MICALL2: variants seen among roughly 807,000 people sequenced by gnomAD.
The protein encoded by MICALL2 is MICAL-like protein 2.
In MICALL2, 111 loss-of-function variants were observed where a neutral mutation model predicts 91.1. That is an observed-to-expected ratio of 1.22 (90% confidence interval 1.04 to 1.43). The LOEUF (loss-of-function observed/expected upper bound fraction) is 1.43, where lower values mean the gene tolerates loss of function less well. MICALL2 is among the 40% of genes most tolerant of loss of function. MICALL2 has a pLI of 0.00. For synonymous variants in MICALL2, 694 were observed against 525.3 expected (o/e 1.32, Z -4.39); for missense variants, 1,556 against 1,236.0 (o/e 1.26, Z -3.88).
intron 10 of MICALL2, 138 bp downstream of exon 10, chr7:1,438,702 G>A (rs1780108728): frequency 6.1e-6 from 9 of 1,484,722 alleles, no homozygotes; most frequent in Non-Finnish European, 8.0e-6. Flanking sequence ...GGGGCACGGG[G>A]CTGGGTCCTT....
intron 16 of MICALL2, chr7:1,434,897 T>C: frequency 4.2e-6 from 3 of 719,754 alleles, no homozygotes; most frequent in Non-Finnish European, 6.8e-6. Flanking sequence ...CAGCTGCCCC[T>C]GGCTCTCTTA....
intron 9 of MICALL2, 112 bp from the exon 10 acceptor site, chr7:1,439,107 C>A: frequency 1.2e-6 from 1 of 837,352 alleles, no homozygotes. Context: ...TCCCCATGCC[C>A]TGGGCCTCCC....
chr7:1,445,560 A>AC (rs1179992528), intron 5 of MICALL2, 132 bp from the exon 6 acceptor site: 30 of 812,138 alleles, frequency 3.7e-5, no homozygotes, highest in Non-Finnish European at 5.5e-5. Flanking sequence ...CCGCCCCGCC[A>AC]CGCATTCACC....
Position 1,434,589 on chromosome 7 carries a change from C to G in MICALL2, c.*7G>C. 1 of 1,607,840 alleles carries G rather than the reference C, an allele frequency of 6.2e-7. No homozygotes were observed. The highest frequency in any genetic ancestry group is 8.5e-7 in the Non-Finnish European group (1 of 1,176,832). ...GGTCCGGGCCGAGCCCACGGCCCTA[C>G]TGGCTACTACTGGGAGGGGCTGCTT... On this transcript the variant is annotated 3_prime_UTR_variant, in exon 17 of 17. Transcript: ENST00000297508.
At chr7:1,444,590 G>A (rs984928082) in intron 6 of MICALL2, 62 bp downstream of exon 6, 178 of 1,516,642 alleles carry the variant, frequency 1.2e-4, no homozygotes, top group Admixed American at 1.0e-3. Flanking sequence ...TCTGGCCTCC[G>A]GGGCCCCGCT....
At chr7:1,435,490 G>A (rs1779924987) in intron 15 of MICALL2, among the ~76,000 whole-genome samples, 1 of 151,436 alleles carries the variant, frequency 6.6e-6, no homozygotes, top group Admixed American at 6.6e-5. Context: ...GGTGACCTGG[G>A]ACAGGAGGGC....
At chr7:1,436,600 G>C in intron 15 of MICALL2, 142 bp downstream of exon 15, 2 of 450,784 alleles carry the variant, frequency 4.4e-6, no homozygotes, top group Non-Finnish European at 7.6e-6. Flanking sequence ...GGCCACATGT[G>C]GCCCCTGGCT....
At chr7:1,457,347 C>G (rs1056793182) in intron 1 of MICALL2, among the ~76,000 whole-genome samples, 1 of 152,242 alleles carries the variant, frequency 6.6e-6, no homozygotes, top group Non-Finnish European at 1.5e-5. Context: ...ACCAAGTCAG[C>G]CACAGCTTGG....
chr7:1,454,875 C>T (rs1397801745), intron 1 of MICALL2, among the ~76,000 whole-genome samples: 1 of 152,172 alleles, frequency 6.6e-6, no homozygotes, highest in Non-Finnish European at 1.5e-5. Flanking sequence ...CCATGCACTG[C>T]ACAGCGGCCG....
chr7:1,437,200 C>T lies in MICALL2; in HGVS notation c.2476+335G>A, dbSNP rs562006096. 2.2e-5 allele frequency: 11 copies of T among 489,754 alleles called. No homozygotes were observed. The East Asian group carries it at 2.3e-4, about 10-fold the overall frequency. The allele number at this position is 489,754 out of a possible 1,614,324, so 30.3% of individuals were successfully genotyped here. On this transcript the variant is annotated intron_variant, in intron 14 of 16. Transcript: ENST00000297508. ...CCCTCAGCCAGGGCACCCTGCATCA[C>T]GAGACAAATGCCTATGGCTCGCCCT... is the stretch of plus-strand genomic sequence containing the variant.
rs371129565 is a variant in MICALL2 at position 1,446,961 on chromosome 7, G to T, written c.526-133C>A. 5.3e-4 allele frequency: 350 copies of T among 663,016 alleles called. 5 individuals carry two copies. In the South Asian group the frequency reaches 6.3e-3, roughly 12 times the overall value. 41.1% of individuals were successfully genotyped at this position (663,016 alleles called of 1,614,324 possible). ...CAGGAGAGGAGCCGCCAGCAGGGCT[G>T]CGGTCGGGGTCACACCCAGGTGGGT... On this transcript the variant is annotated intron_variant, in intron 4 of 16. Transcript: ENST00000297508.
intron 13 of MICALL2, 50 bp downstream of exon 13, chr7:1,437,840 C>G: frequency 6.6e-7 from 1 of 1,510,406 alleles, no homozygotes; most frequent in Non-Finnish European, 9.0e-7. Flanking sequence ...CCTGCCCAGC[C>G]CGCAACGAGG....
intron 6 of MICALL2, 101 bp from the exon 7 acceptor site, chr7:1,442,585 C>A: frequency 1.7e-6 from 2 of 1,198,508 alleles, no homozygotes; most frequent in East Asian, 2.5e-5. Context: ...ACTCCCAATG[C>A]CCAGCCTCCG....
chr7:1,437,532 C>T lies in MICALL2; in HGVS notation c.2476+3G>A. ...CCCCTTGGCTGGCGCGCGGGGGACG[C>T]ACCGGGCTTGGCCATGAGCCGGCGC... On this transcript the variant is annotated splice_donor_region_variant and intron_variant, in intron 14 of 16. Coordinates refer to ENST00000297508, the MANE Select transcript of MICALL2 (RefSeq NM_182924.4). 6.6e-7 allele frequency: 1 copy of T among 1,522,822 alleles called. No individual in the cohort carries two copies. The highest frequency in any genetic ancestry group is 1.2e-5 in the South Asian group (1 of 82,580). The allele number at this position is 1,522,822 out of a possible 1,614,324, so 94.3% of individuals were successfully genotyped here.
At chr7:1,442,710 C>A (rs1170643617) in intron 6 of MICALL2, among the ~76,000 whole-genome samples, 1 of 151,796 alleles carries the variant, frequency 6.6e-6, no homozygotes, top group Non-Finnish European at 1.5e-5. Context: ...CCCTGCAGCT[C>A]GCTCCCAATG....
rs1158964622 is a variant in MICALL2 at position 1,434,517 on chromosome 7, C to T, written c.*79G>A. The T allele has an allele frequency of 1.5e-6, 2 of 1,312,008 alleles. No homozygotes were observed. The highest frequency in any genetic ancestry group is 4.6e-5 in the East Asian group (2 of 43,360). 81.3% of individuals were successfully genotyped at this position (1,312,008 alleles called of 1,614,324 possible). On this transcript the variant is annotated 3_prime_UTR_variant, in exon 17 of 17. Coordinates refer to ENST00000297508, the MANE Select transcript of MICALL2 (RefSeq NM_182924.4). Reference sequence around the variant, plus strand: ...ACGGCCCCGAGTACAAGTCCGGGTTCCGGGTCCGGGCCAAGCCCATGGCCC... The same window carrying T: ...ACGGCCCCGAGTACAAGTCCGGGTTTCGGGTCCGGGCCAAGCCCATGGCCC...
intron 1 of MICALL2, among the ~76,000 whole-genome samples, chr7:1,456,016 G>T (rs1360071517): frequency 6.6e-6 from 1 of 151,880 alleles, no homozygotes; most frequent in Non-Finnish European, 1.5e-5. Flanking sequence ...GACAGCCAAG[G>T]GCTGCATGAG....
Position 1,456,717 on chromosome 7 carries a change from G to A in MICALL2, c.143+2467C>T, listed in dbSNP as rs376685409. ...GTCCAGGTGTTCAAGAATGCAGTGA[G>A]CTAAGACGGTGCCACTGCACTCCAG... On this transcript the variant is annotated intron_variant, in intron 1 of 16. Coordinates refer to ENST00000297508, the MANE Select transcript of MICALL2 (RefSeq NM_182924.4). Among the ~76,000 whole-genome samples the A allele has an allele frequency of 7.9e-5, 12 of 152,316 alleles. No individual in the cohort carries two copies. In the East Asian group the frequency reaches 1.7e-3, roughly 22 times the overall value.
At chr7:1,438,375 C>A in intron 10 of MICALL2, 22 bp from the exon 11 acceptor site, 4 of 1,588,202 alleles carry the variant, frequency 2.5e-6, no homozygotes, top group Non-Finnish European at 3.4e-6. Flanking sequence ...GCAGGGTGAG[C>A]CTCTGGGACC....
Sources: gnomAD v4.1 joint callset for allele counts (sites outside exome capture counted in the v4.1 genomes callset) on GRCh38, gnomAD v4.1.1 for gene constraint, MANE v1.5 for transcripts, NCBI Gene and HGNC (gene_info 2026-07-23, HGNC 2026-07-21) for gene names.